CREBZF: variants seen among roughly 807,000 people sequenced by gnomAD.
CREBZF encodes the protein CREB/ATF bZIP transcription factor, also known as HCF-binding transcription factor Zhangfei.
In CREBZF, 8 loss-of-function variants were observed where a neutral mutation model predicts 21.1. That is an observed-to-expected ratio of 0.38 (90% confidence interval 0.22 to 0.68). The LOEUF (loss-of-function observed/expected upper bound fraction) is 0.68, where lower values mean the gene tolerates loss of function less well. Ranked by LOEUF, CREBZF falls within the 30% of genes least tolerant of loss-of-function variation. The pLI, the probability that CREBZF is intolerant of heterozygous loss-of-function variation, is 0.51. For missense variants in CREBZF, 518 were observed against 484.3 expected (o/e 1.07, Z -0.65); for synonymous variants, 270 against 223.3 (o/e 1.21, Z -1.86).
In CREBZF at chr11:85,660,777, ATAG is replaced by A. The variant is rs755141163; in HGVS notation, c.*3031_*3033del. ...GAAACAGTAAGTCAATATGATAGAAATAGTAGGTCAAAATATGATGTGTTAGTT... is the reference window on the plus strand; with the variant it reads ...GAAACAGTAAGTCAATATGATAGAAATAGGTCAAAATATGATGTGTTAGTT... On this transcript the variant is annotated 3_prime_UTR_variant, in exon 1 of 1. Transcript: ENST00000527447. 4 of 296,262 alleles carry A rather than the reference ATAG, an allele frequency of 1.4e-5. No individual in the cohort carries two copies. Among genetic ancestry groups the A allele is most frequent in the Non-Finnish European group, 2.6e-5 (4 of 152,400 alleles). 18.4% of individuals were successfully genotyped at this position (296,262 alleles called of 1,614,324 possible). A position where few individuals can be genotyped will look rare whatever the true frequency, so the allele number is the denominator to read the frequency against.
intron 1 of CREBZF, among the ~76,000 whole-genome samples, chr11:85,680,561 A>G (rs759267509): frequency 6.6e-6 from 1 of 152,250 alleles, no homozygotes; most frequent in Non-Finnish European, 1.5e-5. Flanking sequence ...ATGACCAGAC[A>G]GATCTGTGCA....
chr11:85,663,635 T>A lies in CREBZF; in HGVS notation c.*176A>T. ...GAGATTTAATAGTCACATGTTATCA[T>A]TAGGAGTTGGTTACTGTGTCACATT... On this transcript the variant is annotated 3_prime_UTR_variant, in exon 1 of 1. Coordinates refer to ENST00000527447, the MANE Select transcript of CREBZF (RefSeq NM_001039618.4). The A allele has an allele frequency of 6.3e-7, 1 of 1,584,802 alleles. No homozygotes were observed. The highest frequency in any genetic ancestry group is 8.6e-7 in the Non-Finnish European group (1 of 1,165,310).
intron 1 of CREBZF, among the ~76,000 whole-genome samples, chr11:85,677,520 T>C (rs2082950226): frequency 6.6e-6 from 1 of 152,240 alleles, no homozygotes; most frequent in African/African-American, 2.4e-5. Flanking sequence ...AATTGTCCTA[T>C]TGAATGTCCC....
intron 1 of CREBZF, among the ~76,000 whole-genome samples, chr11:85,673,047 G>T (rs2082922292): frequency 1.3e-5 from 2 of 152,236 alleles, no homozygotes; most frequent in Non-Finnish European, 1.5e-5. Context: ...AAATATGGCT[G>T]CAGAGGAGTC....
rs1489552585 is a variant in CREBZF at position 85,662,222 on chromosome 11, G to A, written c.*1589C>T. 3.4e-6 allele frequency: 2 copies of A among 581,510 alleles called. No individual in the cohort carries two copies. The highest frequency in any genetic ancestry group is 3.2e-6 in the Non-Finnish European group (1 of 316,206). The allele number at this position is 581,510 out of a possible 1,614,324, so 36.0% of individuals were successfully genotyped here. A position where few individuals can be genotyped will look rare whatever the true frequency, so the allele number is the denominator to read the frequency against. Reference sequence around the variant, plus strand: ...CAACAAAACATTTACAGTTGTGCAAGAACAAGGATTCCATTTTCATAACCA... The same window carrying A: ...CAACAAAACATTTACAGTTGTGCAAAAACAAGGATTCCATTTTCATAACCA... On this transcript the variant is annotated 3_prime_UTR_variant, in exon 1 of 1. Transcript: ENST00000527447.
intron 1 of CREBZF, among the ~76,000 whole-genome samples, chr11:85,681,452 T>C (rs1446401985): frequency 1.3e-5 from 2 of 152,246 alleles, no homozygotes; most frequent in East Asian, 1.9e-4. Flanking sequence ...AGAGTCAGTA[T>C]TCTGAAAATA....
At chr11:85,668,863 G>A (rs922744849), upstream of CREBZF, among the ~76,000 whole-genome samples, 3 of 150,402 alleles carry the variant, frequency 2.0e-5, no homozygotes, top group Non-Finnish European at 3.0e-5. Context: ...TTGGCCGGGC[G>A]TGGTAGCGGG....
intron 1 of CREBZF, among the ~76,000 whole-genome samples, chr11:85,680,993 G>A (rs189130813): frequency 2.5e-4 from 38 of 152,344 alleles, no homozygotes; most frequent in African/African-American, 8.7e-4. Context: ...CCATCTCAGG[G>A]TGGATCCTGA....
upstream of CREBZF, among the ~76,000 whole-genome samples, chr11:85,665,629 C>G (rs2082849915): frequency 6.7e-6 from 1 of 150,158 alleles, no homozygotes; most frequent in Non-Finnish European, 1.5e-5. Flanking sequence ...CACTATGTAC[C>G]CAATGAATAT....
intron 1 of CREBZF, among the ~76,000 whole-genome samples, chr11:85,679,447 A>G (rs2082962114): frequency 6.6e-6 from 1 of 152,252 alleles, no homozygotes; most frequent in African/African-American, 2.4e-5. Context: ...CAATATATTC[A>G]GTGAATGAGT....
chr11:85,664,218 G>A lies in CREBZF; in HGVS notation c.658C>T (p.Leu220Phe). ...TACTCCTTCTTCTTCAGTCGATTAAGGCGGGCAGCGGCCGCCGCCGCCTTC... is the reference window on the plus strand; with the variant it reads ...TACTCCTTCTTCTTCAGTCGATTAAAGCGGGCAGCGGCCGCCGCCGCCTTC... ...PRKAAAAAAR[L>F]NRLKKKEYVM... is the part of the protein sequence containing the mutation. Residue 220 changes from leucine to phenylalanine, a missense_variant, in exon 1 of 1, where the codon CTT becomes TTT. Physicochemically the swap from Leu to Phe is conservative, Grantham distance 22. Around this residue, in one of 3 missense-constraint regions of CREBZF, gnomAD observed 396 missense variants for 324.4 expected, o/e 1.22. Transcript: ENST00000527447. This position sits in a 1 kb window ranked among gnomAD's most constrained non-coding sequence, Gnocchi z 5.5. 1.2e-6 allele frequency: 2 copies of A among 1,612,776 alleles called. No homozygotes were observed. The highest frequency in any genetic ancestry group is 1.7e-6 in the Non-Finnish European group (2 of 1,179,840).
intron 1 of CREBZF, among the ~76,000 whole-genome samples, chr11:85,680,750 G>A (rs1257567805): frequency 6.6e-6 from 1 of 152,204 alleles, no homozygotes; most frequent in Non-Finnish European, 1.5e-5. Context: ...GATTAGAAAA[G>A]CTTATTCTCA....
chr11:85,669,517 T>C (rs569529835), upstream of CREBZF, among the ~76,000 whole-genome samples: 6 of 152,266 alleles, frequency 3.9e-5, no homozygotes, highest in African/African-American at 1.2e-4. Context: ...ATAAAGTTCT[T>C]GTGGAGCCGA....
chr11:85,677,772 C>G (rs1438478297), intron 1 of CREBZF, among the ~76,000 whole-genome samples: 2 of 152,208 alleles, frequency 1.3e-5, no homozygotes, highest in African/African-American at 4.8e-5. Flanking sequence ...CAAGTGGTGA[C>G]AGTCTAATTC....
In CREBZF at chr11:85,665,033, C is replaced by A. The variant is rs1565811136; in HGVS notation, c.-158G>T. The A allele has an allele frequency of 2.1e-6, 1 of 484,154 alleles. No individual in the cohort carries two copies. The highest frequency in any genetic ancestry group is 3.5e-6 in the Non-Finnish European group (1 of 289,114). 30.0% of individuals were successfully genotyped at this position (484,154 alleles called of 1,614,324 possible). A position where few individuals can be genotyped will look rare whatever the true frequency, so the allele number is the denominator to read the frequency against. ...CTCCCGCCTCACTTGGCTAGTCGAC[C>A]CCCCGCGCCAAGGCGCGGGGAGGGA... On this transcript the variant is annotated 5_prime_UTR_variant, in exon 1 of 1. Transcript: ENST00000527447.
At chr11:85,680,751 C>G (rs539752008) in intron 1 of CREBZF, among the ~76,000 whole-genome samples, 120 of 152,304 alleles carry the variant, frequency 7.9e-4, no homozygotes, top group African/African-American at 2.7e-3. Context: ...ATTAGAAAAG[C>G]TTATTCTCAG....
intron 1 of CREBZF, among the ~76,000 whole-genome samples, chr11:85,679,150 T>A (rs1402977242): frequency 6.6e-6 from 1 of 152,214 alleles, no homozygotes; most frequent in African/African-American, 2.4e-5. Context: ...ACTGTGAAGC[T>A]TTCGAAGCTA....
rs2082590255 is a variant in CREBZF, at chr11:85,658,837, C to G, written c.*4974G>C. On this transcript the variant is annotated 3_prime_UTR_variant, in exon 1 of 1. Transcript: ENST00000527447. Reference sequence around the variant, plus strand: ...AATAAAATTCAAATCAGTGTATTAACAGAACTACACAAATGTTTACAACAC... The same window carrying G: ...AATAAAATTCAAATCAGTGTATTAAGAGAACTACACAAATGTTTACAACAC... Among the ~76,000 whole-genome samples the G allele has an allele frequency of 6.6e-6, 1 of 151,952 alleles. No individual in the cohort carries two copies.
Position 85,665,000 on chromosome 11 carries a change from C to A in CREBZF, c.-125G>T. 1.6e-6 allele frequency: 1 copy of A among 609,514 alleles called. No individual in the cohort carries two copies. Among genetic ancestry groups the A allele is most frequent in the Non-Finnish European group, 2.5e-6 (1 of 398,882 alleles). The allele number at this position is 609,514 out of a possible 1,614,324, so 37.8% of individuals were successfully genotyped here. On this transcript the variant is annotated 5_prime_UTR_variant, in exon 1 of 1. Coordinates refer to ENST00000527447, the MANE Select transcript of CREBZF (RefSeq NM_001039618.4). The surrounding 1 kb of genome is among the most constrained non-coding windows in gnomAD (Gnocchi z 5.5). ...CCGAAACGAAATGCAGGGAAAGGTC[C>A]GAGTCGCCTCCCGCCTCACTTGGCT...
Sources: gnomAD v4.1 joint callset for allele counts (sites outside exome capture counted in the v4.1 genomes callset) on GRCh38, gnomAD v4.1.1 for gene constraint, gnomAD v4.1.1 regional missense constraint, Gnocchi (gnomAD v3.1) non-coding constraint, MANE v1.5 for transcripts, NCBI Gene and HGNC (gene_info 2026-07-23, HGNC 2026-07-21) for gene names.